Variants in DMD observed in about 807,000 individuals in gnomAD.
The protein encoded by DMD is dystrophin, also known as mutant dystrophin.
DMD carries 63 observed loss-of-function variants against 330.1 expected under a neutral mutation model. The ratio of observed to expected loss-of-function variants is 0.19; its 90% CI spans 0.16 to 0.24. The LOEUF (loss-of-function observed/expected upper bound fraction) is 0.24. DMD is among the 10% of genes least tolerant of loss of function. The probability of loss-of-function intolerance (pLI) is 1.00; values close to 1 mark genes in which losing one functional copy is unlikely to be tolerated. For synonymous variants in DMD, 1,223 were observed against 959.8 expected, an observed-to-expected ratio of 1.27 and a Z score of -5.07; for missense variants, 3,344 against 2,684.1, an observed-to-expected ratio of 1.25 and a Z score of -5.43.
At chrX:32,584,005 G>A (rs534504811) in intron 13 of DMD, among the ~76,000 whole-genome samples, 3 of 110,737 alleles carry the variant, frequency 2.7e-5, no homozygotes, top group Non-Finnish European at 5.7e-5. Context: ...ATATCATTAC[G>A]GAGTGAAAAG....
At chrX:32,574,709 C>A (rs2052827517) in intron 13 of DMD, among the ~76,000 whole-genome samples, 2 of 110,789 alleles carry the variant, frequency 1.8e-5, no homozygotes, top group African/African-American at 6.6e-5. Flanking sequence ...TATTGACGTG[C>A]TTTATTTTAT....
chrX:31,279,530 A>T (rs150615101), intron 62 of DMD, among the ~76,000 whole-genome samples: 203 of 111,740 alleles, frequency 1.8e-3, no homozygotes, highest in Non-Finnish European at 3.1e-3. Flanking sequence ...ACTACCAAAC[A>T]TGACACAAGC....
intron 33 of DMD, among the ~76,000 whole-genome samples, chrX:32,383,225 T>G (rs1367271102): frequency 1.8e-5 from 2 of 110,763 alleles, no homozygotes; most frequent in Non-Finnish European, 1.9e-5. Context: ...GATCAGCACC[T>G]TGATCTTGCA....
chrX:33,193,030 G>T (rs2050741859), intron 1 of DMD, among the ~76,000 whole-genome samples: 2 of 111,937 alleles, frequency 1.8e-5, no homozygotes, highest in Non-Finnish European at 3.8e-5. Context: ...CTCTCGGCTG[G>T]GTGTGGTGGC....
rs780199119 is a variant in DMD at position 31,875,273 on chromosome X, T to C, written c.7013A>G (p.Asn2338Ser). The change falls in exon 48 of 79, where the codon AAT (asparagine) becomes AGT (serine). Residue 2338 changes from asparagine to serine, a missense_variant. Transcript: ENST00000357033. ...AGGAGATAACCACAGCAGCAGATGA[T>C]TTAACTGCTCTTCAAGGTCTTCAAG... Reference protein sequence around the residue: ...KKLEDLEEQLNHLLLWLSPIR... With the variant: ...KKLEDLEEQLSHLLLWLSPIR... 1 of 1,203,708 alleles carries C rather than the reference T, an allele frequency of 8.3e-7. No individual in the cohort carries two copies. The highest frequency in any genetic ancestry group is 3.0e-5 in the East Asian group (1 of 33,696).
intron 7 of DMD, among the ~76,000 whole-genome samples, chrX:32,731,459 G>C (rs1166722593): frequency 8.9e-6 from 1 of 112,836 alleles, no homozygotes; most frequent in Admixed American, 9.3e-5. Flanking sequence ...TCTGAGGGCA[G>C]GGCACAGACA....
At chrX:32,718,319 GGTT>G (rs1457534218) in intron 7 of DMD, among the ~76,000 whole-genome samples, 1 of 110,862 alleles carries the variant, frequency 9.0e-6, no homozygotes, top group Non-Finnish European at 1.9e-5. Flanking sequence ...CATGATATCT[GGTT>G]GTGTGAAAGC....
intron 77 of DMD, among the ~76,000 whole-genome samples, chrX:31,130,650 T>C (rs919127947): frequency 8.9e-6 from 1 of 112,358 alleles, no homozygotes; most frequent in Non-Finnish European, 1.9e-5. Flanking sequence ...CACTCATTTA[T>C]TAATTTTGAT....
At chrX:32,352,987 T>G (rs1351602639) in intron 37 of DMD, among the ~76,000 whole-genome samples, 5 of 111,352 alleles carry the variant, frequency 4.5e-5, no homozygotes, top group African/African-American at 6.5e-5. Context: ...AAACACTGCC[T>G]TTTATTTTAT....
intron 11 of DMD, among the ~76,000 whole-genome samples, chrX:32,618,922 CA>C (rs1159411233): frequency 9.0e-6 from 1 of 110,944 alleles, no homozygotes; most frequent in Non-Finnish European, 1.9e-5. Context: ...GAAATATGAA[CA>C]ACAAAACTAC....
intron 7 of DMD, among the ~76,000 whole-genome samples, chrX:32,738,173 T>C (rs1316120286): frequency 8.9e-6 from 1 of 111,753 alleles, no homozygotes; most frequent in African/African-American, 3.3e-5. Flanking sequence ...AGTTTGAACA[T>C]TTTCTAGGCA....
intron 54 of DMD, 133 bp from the exon 55 acceptor site, chrX:31,627,995 C>T: frequency 1.6e-6 from 1 of 613,251 alleles, no homozygotes; most frequent in Non-Finnish European, 2.6e-6. Context: ...TGCTACAGCT[C>T]TTCCTTTAAG....
intron 1 of DMD, among the ~76,000 whole-genome samples, chrX:33,235,896 A>ATAT (rs200967851): frequency 4.0e-5 from 4 of 100,368 alleles, no homozygotes; most frequent in Non-Finnish European, 7.9e-5. Flanking sequence ...TGGCCAACTT[A>ATAT]TATTATTATT....
At chrX:31,374,361 A>G (rs949641905) in intron 60 of DMD, among the ~76,000 whole-genome samples, 21 of 107,453 alleles carry the variant, frequency 2.0e-4, no homozygotes, top group Non-Finnish European at 3.8e-4. Context: ...TGCTATAAAG[A>G]CACATGCACA....
chrX:32,921,195 T>G (rs747399393), intron 2 of DMD, among the ~76,000 whole-genome samples: 4 of 111,925 alleles, frequency 3.6e-5, no homozygotes, highest in Non-Finnish European at 7.5e-5. Flanking sequence ...ATAAATCGAA[T>G]AAGTTGGTAG....
intron 11 of DMD, among the ~76,000 whole-genome samples, chrX:32,619,800 T>G (rs1286426958): frequency 9.0e-6 from 1 of 111,228 alleles, no homozygotes; most frequent in Non-Finnish European, 1.9e-5. Context: ...AGCCAGGACC[T>G]AACAACAAAG....
chrX:32,874,736 A>G (rs2083255015), intron 2 of DMD, among the ~76,000 whole-genome samples: 1 of 111,895 alleles, frequency 8.9e-6, no homozygotes, highest in Non-Finnish European at 1.9e-5. Flanking sequence ...CATTATTAGT[A>G]ACTTTTAGCC....
intron 55 of DMD, among the ~76,000 whole-genome samples, chrX:31,507,828 T>C (rs2071103435): frequency 8.9e-6 from 1 of 111,968 alleles, no homozygotes; most frequent in Non-Finnish European, 1.9e-5. Context: ...CCAGTGCCAA[T>C]AATTTCATTA....
chrX:31,688,392 A>G (rs994209486), intron 52 of DMD, among the ~76,000 whole-genome samples: 1 of 111,599 alleles, frequency 9.0e-6, no homozygotes, highest in African/African-American at 3.3e-5. Flanking sequence ...ATTCCTGCAC[A>G]CATACACCTT....
Sources: allele counts gnomAD v4.1 joint callset (sites outside exome capture counted in the v4.1 genomes callset), GRCh38; gene constraint gnomAD v4.1.1; transcripts MANE v1.5; gene names NCBI Gene and HGNC (gene_info 2026-07-23, HGNC 2026-07-21).